Variants in MASP1 observed in about 807,000 individuals in gnomAD.
MASP1 encodes mannan-binding lectin serine protease 1.
A neutral mutation model predicts 77.1 loss-of-function variants in MASP1; 59 were observed. The observed-to-expected ratio is 0.77, with a 90% CI of 0.62 to 0.95. The LOEUF is 0.95. Among genes scored for constraint, MASP1 ranks in the 40% least tolerant of loss-of-function variants. The pLI, the probability that MASP1 is intolerant of heterozygous loss-of-function variation, is 0.00. For synonymous variants in MASP1, 362 were observed against 354.5 expected (o/e 1.02, Z -0.24); for missense variants, 885 against 912.9 (o/e 0.97, Z 0.39).
intron 9 of MASP1, chr3:187,243,080 C>A (rs760800322): frequency 5.7e-5 from 18 of 314,576 alleles, no homozygotes; most frequent in South Asian, 5.3e-4. Flanking sequence ...GTAATACTGG[C>A]CTTTTTTTGG....
intron 14 of MASP1, among the ~76,000 whole-genome samples, chr3:187,222,885 T>C (rs147415793): frequency 2.0e-5 from 3 of 152,228 alleles, no homozygotes; most frequent in East Asian, 3.9e-4. Context: ...GCTAAGCCTT[T>C]AATAAGCTAC....
In MASP1 at chr3:187,245,534, G is replaced by T. The variant is rs546786793; in HGVS notation, c.1091-1913C>A. On this transcript the variant is annotated intron_variant, in intron 8 of 10. Transcript: ENST00000296280. The stretch of plus-strand genomic sequence containing the variant: ...TAGAGGGGGTGATAAATAGTGGAAG[G>T]TAGAGGGTCTTGGCAGTGTGGAGGG... 2.0e-5 allele frequency among the ~76,000 whole-genome samples: 3 copies of T among 152,240 alleles called. No individual in the cohort carries two copies. The South Asian group carries it at 6.2e-4, about 32-fold the overall frequency.
At chr3:187,254,416 G>A (rs991885810) in intron 5 of MASP1, among the ~76,000 whole-genome samples, 10 of 152,136 alleles carry the variant, frequency 6.6e-5, no homozygotes, top group Non-Finnish European at 1.5e-5. Context: ...AGAGAAAACT[G>A]CATATGTAAA....
intron 15 of MASP1, chr3:187,220,940 G>T: frequency 1.0e-6 from 1 of 1,000,746 alleles, no homozygotes; most frequent in Non-Finnish European, 1.6e-6. Flanking sequence ...CACACTGCCA[G>T]CCCACCAGGT....
Position 187,285,735 on chromosome 3 carries a change from T to A in MASP1, c.237+90A>T, listed in dbSNP as rs536591375. 2.6e-5 allele frequency: 27 copies of A among 1,023,422 alleles called. No homozygotes were observed. The East Asian group carries it at 6.6e-4, about 25-fold the overall frequency. The allele number at this position is 1,023,422 out of a possible 1,614,324, so 63.4% of individuals were successfully genotyped here. ...GTGATGTTGTGTGTCTCTCTTACTA[T>A]ATGCCACCCTGGAAGGGTCTAATTT... On this transcript the variant is annotated intron_variant, in intron 2 of 10. Coordinates refer to ENST00000296280, the MANE Select transcript of MASP1 (RefSeq NM_139125.4).
exon 13 of MASP1, chr3:187,225,445 G>C: frequency 3.1e-6 from 5 of 1,614,198 alleles, no homozygotes; most frequent in Non-Finnish European, 4.2e-6. Flanking sequence ...ACTGGGGGTG[G>C]AGAGTGGTGT....
chr3:187,276,106 C>CT (rs924593484), intron 2 of MASP1, among the ~76,000 whole-genome samples: 25 of 144,626 alleles, frequency 1.7e-4, no homozygotes, highest in African/African-American at 4.7e-4. Context: ...AAAGTGCCCC[C>CT]CAGGGTAGCC....
chr3:187,225,177 C>G (rs972542105), intron 13 of MASP1: 2 of 880,896 alleles, frequency 2.3e-6, no homozygotes, highest in African/African-American at 3.3e-5. Context: ...GGACCCAGTT[C>G]TGACTTGGCT....
At chr3:187,254,594 C>G (rs1373492332) in intron 5 of MASP1, among the ~76,000 whole-genome samples, 3 of 152,026 alleles carry the variant, frequency 2.0e-5, no homozygotes, top group Non-Finnish European at 2.9e-5. Context: ...TCGAATCTAG[C>G]TTTTATAAAG....
At position 187,246,653 on chromosome 3, in the gene MASP1, C is replaced by T. The variant is rs72549275; in HGVS notation, c.1091-3032G>A. ...ATGTCCCACAGCACAGAGCTGGGAC[C>T]ACTGCTTTCAGGTGTGATCCTATCT... On this transcript the variant is annotated intron_variant, in intron 8 of 10. Coordinates refer to ENST00000296280, the MANE Select transcript of MASP1 (RefSeq NM_139125.4). The T allele has an allele frequency of 3.3e-4, 323 of 988,030 alleles. 2 individuals are homozygous for T. The African/African-American group carries it at 5.3e-3, about 16-fold the overall frequency. The allele number at this position is 988,030 out of a possible 1,614,324, so 61.2% of individuals were successfully genotyped here. A position where few individuals can be genotyped will look rare whatever the true frequency, so the allele number is the denominator to read the frequency against.
downstream of MASP1, chr3:187,229,634 T>C: frequency 1.6e-6 from 2 of 1,287,964 alleles, no homozygotes; most frequent in Non-Finnish European, 2.2e-6. Context: ...GAGAACTCTT[T>C]CTACCGCACT....
chr3:187,291,507 GC>G (rs904237162), intron 1 of MASP1, 120 bp downstream of exon 1: 18 of 1,324,684 alleles, frequency 1.4e-5, no homozygotes, highest in Non-Finnish European at 1.8e-5. Flanking sequence ...TGATGAGAAA[GC>G]CCCTCACTAC....
chr3:187,239,602 G>A (rs990756488), intron 10 of MASP1, among the ~76,000 whole-genome samples: 7 of 152,098 alleles, frequency 4.6e-5, no homozygotes, highest in Non-Finnish European at 8.8e-5. Context: ...TAGCCAAATG[G>A]GGATTAGATC....
Position 187,251,618 on chromosome 3 carries a change from AG to A in MASP1, c.1011+15del. ...TGTGGCCTGGTCACTCCCCTTTCCC[AG>A]GCAAGGCTCTGCACCTTCAGCACTT... is the stretch of plus-strand genomic sequence containing the variant. On this transcript the variant is annotated intron_variant, in intron 7 of 10. Transcript: ENST00000296280. 6.2e-7 allele frequency: 1 copy of A among 1,607,586 alleles called. No individual in the cohort carries two copies. The highest frequency in any genetic ancestry group is 8.5e-7 in the Non-Finnish European group (1 of 1,174,268).
At chr3:187,219,698 T>C (rs1327089210) in exon 16 of MASP1, 1 of 323,244 alleles carries the variant, frequency 3.1e-6, no homozygotes, top group African/African-American at 2.1e-5. Flanking sequence ...AAACAGTGTA[T>C]GCTATGCACT....
intron 2 of MASP1, chr3:187,276,462 A>C (rs1308614459): frequency 3.9e-5 from 6 of 152,202 alleles, no homozygotes; most frequent in Admixed American, 3.9e-4. Context: ...TTCCCTTTAT[A>C]AGCACATCGA....
intron 4 of MASP1, among the ~76,000 whole-genome samples, chr3:187,258,977 G>A (rs529405658): frequency 6.6e-6 from 1 of 152,288 alleles, no homozygotes; most frequent in Admixed American, 6.5e-5. Context: ...TTTGTCTGAA[G>A]TTTTTCTTTT....
At chr3:187,282,495 CA>C (rs113211164) in intron 2 of MASP1, among the ~76,000 whole-genome samples, 26,746 of 130,926 alleles carry the variant, frequency 0.2, 3,083 homozygotes, top group African/African-American at 0.36. Context: ...GATTCCGTTT[CA>C]AAAAAAAAAA....
At position 187,235,182 on chromosome 3, in the gene MASP1, C is replaced by G; in HGVS notation, c.*502G>C. On this transcript the variant is annotated 3_prime_UTR_variant, in exon 11 of 11. Transcript: ENST00000296280. ...AGCCATCTCCCAAAACCTGAATGCT[C>G]TTCTCCTAGAGGAAGGATTAGGCCA... 7.8e-7 allele frequency: 1 copy of G among 1,287,980 alleles called. No individual in the cohort carries two copies. Among genetic ancestry groups the G allele is most frequent in the African/African-American group, 1.5e-5 (1 of 65,954 alleles). The allele number at this position is 1,287,980 out of a possible 1,614,324, so 79.8% of individuals were successfully genotyped here. A position where few individuals can be genotyped will look rare whatever the true frequency, so the allele number is the denominator to read the frequency against.
Sources: gnomAD v4.1 joint callset for allele counts (sites outside exome capture counted in the v4.1 genomes callset) on GRCh38, gnomAD v4.1.1 for gene constraint, MANE v1.5 for transcripts, NCBI Gene and HGNC (gene_info 2026-07-23, HGNC 2026-07-21) for gene names.